The following EGFLAM variants were observed in gnomAD, a reference collection of about 807,000 sequenced individuals.
The protein encoded by EGFLAM is pikachurin.
EGFLAM carries 79 observed loss-of-function variants against 113.1 expected under a neutral mutation model. The observed-to-expected ratio is 0.70, with a 90% confidence interval of 0.58 to 0.84. The LOEUF (loss-of-function observed/expected upper bound fraction) is 0.84, where lower values mean the gene tolerates loss of function less well. Among genes scored for constraint, EGFLAM ranks in the 40% least tolerant of loss-of-function variants. EGFLAM has a pLI of 0.00. For missense variants in EGFLAM, 1,265 were observed against 1,291.6 expected (o/e 0.98, Z 0.32); for synonymous variants, 504 against 487.6 (o/e 1.03, Z -0.44).
chr5:38,263,342 G>A (rs1372273113), intron 1 of EGFLAM, among the ~76,000 whole-genome samples: 1 of 152,106 alleles, frequency 6.6e-6, no homozygotes, highest in African/African-American at 2.4e-5. Context: ...CGTGCCTGTA[G>A]TCTCAGCTAC....
intron 1 of EGFLAM, among the ~76,000 whole-genome samples, chr5:38,262,400 A>G (rs1757520898): frequency 2.0e-5 from 3 of 152,214 alleles, no homozygotes; most frequent in Admixed American, 6.5e-5. Flanking sequence ...CATCAAGTCT[A>G]CAGTTTGATG....
intron 6 of EGFLAM, among the ~76,000 whole-genome samples, chr5:38,400,825 T>A (rs4130494): frequency 0.084 from 12,791 of 152,066 alleles, 809 homozygotes; most frequent in African/African-American, 0.16. Flanking sequence ...TCTGGGCGAG[T>A]CTCATGGATT....
intron 6 of EGFLAM, among the ~76,000 whole-genome samples, chr5:38,385,302 C>T (rs1051243915): frequency 2.9e-5 from 4 of 139,036 alleles, no homozygotes; most frequent in South Asian, 2.9e-4. Flanking sequence ...CCCCCGCCAC[C>T]GCCAACAAAC....
rs148744071 is a variant in EGFLAM, at chr5:38,356,574, A to G, written c.545+4243A>G. ...TTCCGGCCCGGTGCTCTTTTTATGA[A>G]TCCCCATGTCCTTTCATGTTTGTGA... On this transcript the variant is annotated intron_variant, in intron 5 of 21. Transcript: ENST00000322350. Among the ~76,000 whole-genome samples the G allele has an allele frequency of 4.6e-5, 7 of 152,304 alleles. No individual in the cohort carries two copies. In the East Asian group the frequency reaches 1.4e-3, roughly 29 times the overall value.
chr5:38,284,465 A>G (rs771104506), intron 1 of EGFLAM, among the ~76,000 whole-genome samples: 1 of 152,246 alleles, frequency 6.6e-6, no homozygotes, highest in Non-Finnish European at 1.5e-5. Flanking sequence ...TTGCTTTTCA[A>G]TAAAACTTTA....
intron 6 of EGFLAM, among the ~76,000 whole-genome samples, chr5:38,378,546 A>G (rs925101355): frequency 3.9e-5 from 6 of 152,224 alleles, no homozygotes; most frequent in African/African-American, 1.4e-4. Context: ...GCTACAAAGC[A>G]ATCAGGAAGT....
chr5:38,300,626 T>G (rs2111824678), intron 1 of EGFLAM, among the ~76,000 whole-genome samples: 1 of 152,278 alleles, frequency 6.6e-6, no homozygotes, highest in East Asian at 1.9e-4. Context: ...TCACCCACCT[T>G]GGCTTCCCAA....
rs552143820 is a variant in EGFLAM, at chr5:38,332,177, G to A, written c.98-5343G>A. Among the ~76,000 whole-genome samples the A allele has an allele frequency of 1.9e-3, 284 of 152,298 alleles. 1 individual carries two copies. Among genetic ancestry groups the A allele is most frequent in the Middle Eastern group, 0.01 (3 of 294 alleles). On this transcript the variant is annotated intron_variant, in intron 1 of 21. Transcript: ENST00000322350. ...TTATAATTTGCATTTCCCTGATGAC[G>A]TATGATGTGGAGCATGTTTTCATAT...
At chr5:38,368,545 A>C (rs1468780638) in intron 5 of EGFLAM, among the ~76,000 whole-genome samples, 3 of 152,180 alleles carry the variant, frequency 2.0e-5, no homozygotes, top group African/African-American at 7.2e-5. Flanking sequence ...ATCTTCTTTT[A>C]GCAAAATGAC....
intron 5 of EGFLAM, among the ~76,000 whole-genome samples, chr5:38,359,639 C>T (rs965740847): frequency 1.3e-4 from 20 of 152,166 alleles, no homozygotes; most frequent in Admixed American, 6.5e-4. Context: ...CATGCCACTG[C>T]GCTCCAGTCT....
At chr5:38,461,431 C>A (rs968677616) in intron 20 of EGFLAM, 6 of 152,006 alleles carry the variant, frequency 3.9e-5, no homozygotes, top group African/African-American at 1.4e-4. Flanking sequence ...GGTATATCTT[C>A]ATTTTAGATA....
intron 1 of EGFLAM, among the ~76,000 whole-genome samples, chr5:38,291,711 G>A (rs1248825864): frequency 6.6e-6 from 1 of 152,234 alleles, no homozygotes; most frequent in Non-Finnish European, 1.5e-5. Flanking sequence ...GCCAAGGATT[G>A]CTAATGATTA....
intron 3 of EGFLAM, among the ~76,000 whole-genome samples, chr5:38,342,234 G>C (rs1739356547): frequency 6.6e-6 from 1 of 152,158 alleles, no homozygotes; most frequent in South Asian, 2.1e-4. Flanking sequence ...GGGTTAAGGG[G>C]AACCTCTCTG....
chr5:38,438,280 C>T lies in EGFLAM; in HGVS notation c.2289C>T (p.Ile763=). 2 of 1,612,464 alleles carry T rather than the reference C, an allele frequency of 1.2e-6. No homozygotes were observed. Among genetic ancestry groups the T allele is most frequent in the Non-Finnish European group, 1.7e-6 (2 of 1,179,074 alleles). The change falls in exon 17 of 22, where the codon ATC becomes ATT. Residue 763 remains isoleucine (I), a synonymous_variant. Coordinates refer to ENST00000322350, the MANE Select transcript of EGFLAM (RefSeq NM_152403.4). Reference sequence around the variant, plus strand: ...TTATGTTTTTCTCTCTCAAGATCATCCTGAATGACCGAACCATCCATGTGA... The same window carrying T: ...TTATGTTTTTCTCTCTCAAGATCATTCTGAATGACCGAACCATCCATGTGA... ...KPFSGSIQKI[I]LNDRTIHVKH...
intron 6 of EGFLAM, among the ~76,000 whole-genome samples, chr5:38,388,609 A>ATAT (rs1561062317): frequency 3.3e-5 from 5 of 151,544 alleles, no homozygotes; most frequent in African/African-American, 9.7e-5. Flanking sequence ...TGTATATATA[A>ATAT]ATTAGCCCGG....
intron 6 of EGFLAM, among the ~76,000 whole-genome samples, chr5:38,386,284 C>T (rs1216774216): frequency 1.3e-5 from 2 of 152,130 alleles, no homozygotes; most frequent in African/African-American, 4.8e-5. Context: ...GCAACCTCCA[C>T]CTCCCGAGTT....
At chr5:38,383,733 C>T (rs887131561) in intron 6 of EGFLAM, among the ~76,000 whole-genome samples, 1 of 151,864 alleles carries the variant, frequency 6.6e-6, no homozygotes, top group African/African-American at 2.4e-5. Flanking sequence ...AAGTGAAGGG[C>T]TAAGAGGGTG....
intron 6 of EGFLAM, among the ~76,000 whole-genome samples, chr5:38,377,847 G>C (rs1030682029): frequency 6.6e-6 from 1 of 152,134 alleles, no homozygotes; most frequent in Non-Finnish European, 1.5e-5. Context: ...TGCTGATAGC[G>C]GGTTGGTGAA....
At chr5:38,402,446 G>A (rs1741145898) in intron 6 of EGFLAM, among the ~76,000 whole-genome samples, 1 of 152,164 alleles carries the variant, frequency 6.6e-6, no homozygotes. Flanking sequence ...AGCGATGTAT[G>A]AAAAGCTCCT....
Sources: gnomAD v4.1 joint callset for allele counts (sites outside exome capture counted in the v4.1 genomes callset) on GRCh38, gnomAD v4.1.1 for gene constraint, MANE v1.5 for transcripts, NCBI Gene and HGNC (gene_info 2026-07-23, HGNC 2026-07-21) for gene names.